ABL1: variants seen among roughly 807,000 people sequenced by gnomAD.
ABL1 encodes ABL proto-oncogene 1, non-receptor tyrosine kinase, also known as tyrosine-protein kinase ABL1.
A neutral mutation model predicts 94.7 loss-of-function variants in ABL1; 11 were observed. The observed-to-expected ratio is 0.12, with a 90% CI of 0.07 to 0.19. The LOEUF (loss-of-function observed/expected upper bound fraction) is 0.19. Ranked by LOEUF, ABL1 falls within the 10% of genes least tolerant of loss-of-function variation. The pLI, the probability that ABL1 is intolerant of heterozygous loss-of-function variation, is 1.00. For missense variants in ABL1, 1,082 were observed against 1,489.4 expected (o/e 0.73, Z 4.50); for synonymous variants, 656 against 622.4 (o/e 1.05, Z -0.80).
rs768153649 is a variant in ABL1, at chr9:130,884,782, C to T, written c.2492C>T (p.Pro831Leu). Residue 831 changes from proline to leucine, a missense_variant, in exon 11 of 11, where the codon CCC becomes CTC. Transcript: ENST00000318560. The surrounding 1 kb of genome is among the most constrained non-coding windows in gnomAD (Gnocchi z 5.6). ...ACCGTGGCCCCTGCCTCGGGCCTCC[C>T]CCACAAGGAAGAAGCTGGAAAGGGC... The part of the protein sequence containing the change: ...QVTVAPASGL[P>L]HKEEAGKGSA... 6.2e-6 allele frequency: 10 copies of T among 1,610,796 alleles called. No homozygotes were observed. In the Admixed American group the frequency reaches 1.7e-4, roughly 27 times the overall value.
At chr9:130,785,060 C>T (rs1017135846) in intron 1 of ABL1, among the ~76,000 whole-genome samples, 4 of 152,182 alleles carry the variant, frequency 2.6e-5, no homozygotes, top group Non-Finnish European at 5.9e-5. Context: ...TCTCCAAATC[C>T]ATTCTGCTTT....
In ABL1 at chr9:130,753,976, C is replaced by T. The variant is rs150642498; in HGVS notation, c.136+39521C>T. Among the ~76,000 whole-genome samples the T allele has an allele frequency of 7.6e-3, 1,158 of 151,418 alleles. 6 individuals carry two copies. The highest frequency in any genetic ancestry group is 0.013 in the Non-Finnish European group (882 of 67,810). ...ATCCCAGCACTTTGGGAGGCTGAGG[C>T]GGGTGTATCACCTGGGTCAGGAGTT... On this transcript the variant is annotated intron_variant, in intron 1 of 10. Transcript: ENST00000372348.
intron 1 of ABL1, among the ~76,000 whole-genome samples, chr9:130,755,393 C>A (rs1458874352): frequency 6.6e-6 from 1 of 152,102 alleles, no homozygotes; most frequent in East Asian, 1.9e-4. Context: ...GTAGTTCCTC[C>A]TTGTGCAGAA....
intron 1 of ABL1, among the ~76,000 whole-genome samples, chr9:130,755,250 A>G (rs866194214): frequency 6.6e-6 from 1 of 152,232 alleles, no homozygotes; most frequent in African/African-American, 2.4e-5. Context: ...AAGAGCCTGA[A>G]GAAAGGCAGA....
Position 130,885,095 on chromosome 9 carries a change from G to C in ABL1, c.2805G>C (p.Thr935=). 6.2e-7 allele frequency: 1 copy of C among 1,610,378 alleles called. No homozygotes were observed. The highest frequency in any genetic ancestry group is 8.5e-7 in the Non-Finnish European group (1 of 1,178,338). ...EAVLGAKTKA[T]SLVDAVNSDA... The stretch of plus-strand genomic sequence containing the variant: ...TCCTGGGCGCAAAGACAAAAGCCAC[G>C]AGTCTGGTTGATGCTGTGAACAGTG... The change falls in exon 11 of 11, where the codon ACG becomes ACC. Residue 935 remains threonine, a synonymous_variant. Transcript: ENST00000318560.
chr9:130,832,354 C>T (rs532450648), upstream of ABL1, among the ~76,000 whole-genome samples: 1 of 151,946 alleles, frequency 6.6e-6, no homozygotes, highest in South Asian at 2.1e-4. Context: ...TCTTAAATAG[C>T]TCTAGTTCCC....
Position 130,884,848 on chromosome 9 carries a change from C to T in ABL1, c.2558C>T (p.Pro853Leu). 1 of 1,605,816 alleles carries T rather than the reference C, an allele frequency of 6.2e-7. No homozygotes were observed. The highest frequency in any genetic ancestry group is 1.1e-5 in the South Asian group (1 of 90,486). Reference sequence around the variant, plus strand: ...CCTGCTGCAGCTGAGCCAGTGACCCCCACCAGCAAAGCAGGCTCAGGTGCA... The same window carrying T: ...CCTGCTGCAGCTGAGCCAGTGACCCTCACCAGCAAAGCAGGCTCAGGTGCA... ...GTPAAAEPVT[P>L]TSKAGSGAPG... The change falls in exon 11 of 11, where the codon CCC (proline) becomes CTC (leucine). Residue 853 changes from proline (P) to leucine (L), a missense_variant. Pro to Leu is a moderately conservative substitution (Grantham distance 98). Around this residue, in one of 7 missense-constraint regions of ABL1, gnomAD observed 780 missense variants for 835.8 expected, o/e 0.93. Coordinates refer to ENST00000318560, the MANE Select transcript of ABL1 (RefSeq NM_005157.6). The surrounding 1 kb of genome is among the most constrained non-coding windows in gnomAD (Gnocchi z 5.6).
intron 1 of ABL1, among the ~76,000 whole-genome samples, chr9:130,739,268 C>G (rs552450170): frequency 1.3e-5 from 2 of 152,178 alleles, no homozygotes; most frequent in South Asian, 4.2e-4. Context: ...CTCTGTGTTA[C>G]CTTGAGTGAG....
intron 1 of ABL1, among the ~76,000 whole-genome samples, chr9:130,846,882 T>C (rs2132941514): frequency 6.6e-6 from 1 of 152,366 alleles, no homozygotes. Context: ...TATTTTTATA[T>C]AAAACGATCT....
intron 1 of ABL1, among the ~76,000 whole-genome samples, chr9:130,809,957 C>A (rs1413297193): frequency 6.6e-6 from 1 of 152,162 alleles, no homozygotes; most frequent in Non-Finnish European, 1.5e-5. Context: ...CAAACCTTTT[C>A]CAAACAAAAG....
intron 7 of ABL1, among the ~76,000 whole-genome samples, chr9:130,876,850 C>T (rs574903073): frequency 6.9e-6 from 1 of 145,178 alleles, no homozygotes; most frequent in East Asian, 2.0e-4. Flanking sequence ...CATTCTCCTG[C>T]CTCAGCCTCC....
At chr9:130,742,714 T>TA (rs1831835134) in intron 1 of ABL1, among the ~76,000 whole-genome samples, 1 of 152,198 alleles carries the variant, frequency 6.6e-6, no homozygotes, top group South Asian at 2.1e-4. Flanking sequence ...GTCTTCATTT[T>TA]AAAAAAGGTC....
At chr9:130,779,512 T>G (rs1829728441) in intron 1 of ABL1, among the ~76,000 whole-genome samples, 1 of 152,208 alleles carries the variant, frequency 6.6e-6, no homozygotes, top group Admixed American at 6.5e-5. Flanking sequence ...TTGAGATATA[T>G]TAAAGTCTTT....
chr9:130,713,661 A>G (rs1441136340), exon 1 of ABL1, among the ~76,000 whole-genome samples: 1 of 152,234 alleles, frequency 6.6e-6, no homozygotes, highest in Non-Finnish European at 1.5e-5. Flanking sequence ...CAGCTCAGCC[A>G]AAAACTTTAA....
At chr9:130,714,602 T>C (rs568335193) in intron 1 of ABL1, 23 of 1,096,114 alleles carry the variant, frequency 2.1e-5, no homozygotes, top group South Asian at 1.4e-4. Context: ...AGTGGAACTT[T>C]CTTTGTATAA....
At chr9:130,763,307 A>C (rs1474369793) in intron 1 of ABL1, among the ~76,000 whole-genome samples, 1 of 143,432 alleles carries the variant, frequency 7.0e-6, no homozygotes, top group Non-Finnish European at 1.5e-5. Flanking sequence ...TCTACCATCC[A>C]CTCAACATTT....
rs372110433 is a variant in ABL1 at position 130,885,467 on chromosome 9, C to G, written c.3177C>G (p.Ala1059=). The G allele has an allele frequency of 1.2e-6, 2 of 1,613,922 alleles. No homozygotes were observed. The highest frequency in any genetic ancestry group is 2.7e-5 in the African/African-American group (2 of 74,954). ...QMASHSAVLE[A]GKNLYTFCVS... is the part of the protein sequence containing the mutation. ...CCAGCCACAGCGCAGTGCTGGAGGC[C>G]GGCAAAAACCTCTACACGTTCTGCG... Residue 1059 remains alanine, a synonymous_variant, in exon 11 of 11, where the codon GCC becomes GCG. Transcript: ENST00000318560.
intron 1 of ABL1, among the ~76,000 whole-genome samples, chr9:130,848,018 C>A (rs2132943695): frequency 6.6e-6 from 1 of 152,232 alleles, no homozygotes; most frequent in South Asian, 2.1e-4. Context: ...GGTCAAATGG[C>A]ATTTGAGAAG....
intron 1 of ABL1, among the ~76,000 whole-genome samples, chr9:130,741,433 C>G (rs144506016): frequency 0.017 from 2,499 of 151,332 alleles, 68 homozygotes; most frequent in African/African-American, 0.058. Flanking sequence ...GTAACAGTTA[C>G]CGCACTGATG....
Sources: gnomAD v4.1 joint callset for allele counts (sites outside exome capture counted in the v4.1 genomes callset) on GRCh38, gnomAD v4.1.1 for gene constraint, gnomAD v4.1.1 regional missense constraint, Gnocchi (gnomAD v3.1) non-coding constraint, MANE v1.5 for transcripts, NCBI Gene and HGNC (gene_info 2026-07-23, HGNC 2026-07-21) for gene names.